The following PARP8 variants were observed in gnomAD, a reference collection of about 807,000 sequenced individuals.
PARP8 encodes the protein protein mono-ADP-ribosyltransferase PARP8.
A neutral mutation model predicts 124.1 loss-of-function variants in PARP8; 51 were observed. The observed-to-expected ratio is 0.41, with a 90% confidence interval of 0.33 to 0.52. The LOEUF (loss-of-function observed/expected upper bound fraction) is 0.52, where lower values mean the gene tolerates loss of function less well. Among genes scored for constraint, PARP8 ranks in the 20% least tolerant of loss-of-function variants. PARP8 has a pLI of 0.21. For synonymous variants in PARP8, 391 were observed against 361.5 expected, an observed-to-expected ratio of 1.08 and a Z score of -0.93; for missense variants, 860 against 1,018.9, an observed-to-expected ratio of 0.84 and a Z score of 2.12.
At chr5:50,736,103 A>G (rs894779749) in intron 2 of PARP8, among the ~76,000 whole-genome samples, 3 of 152,064 alleles carry the variant, frequency 2.0e-5, no homozygotes, top group African/African-American at 7.2e-5. Context: ...GAAGGCAAAC[A>G]CCATCAACAA....
At chr5:50,691,833 C>T (rs149593306) in intron 2 of PARP8, among the ~76,000 whole-genome samples, 2 of 152,228 alleles carry the variant, frequency 1.3e-5, no homozygotes, top group East Asian at 1.9e-4. Flanking sequence ...CATTAGTTAC[C>T]CATATTACGC....
intron 25 of PARP8, among the ~76,000 whole-genome samples, chr5:50,837,051 A>G (rs922099958): frequency 1.3e-5 from 2 of 152,200 alleles, no homozygotes; most frequent in South Asian, 2.1e-4. Flanking sequence ...CATAAAGCCT[A>G]TCTGTAGGGA....
intron 25 of PARP8, among the ~76,000 whole-genome samples, chr5:50,836,016 A>G (rs1416012433): frequency 6.6e-6 from 1 of 152,154 alleles, no homozygotes; most frequent in Non-Finnish European, 1.5e-5. Context: ...TGGAACTGTT[A>G]AGGTTGCTTC....
At chr5:50,775,471 C>T (rs1306453857) in intron 7 of PARP8, among the ~76,000 whole-genome samples, 5 of 152,042 alleles carry the variant, frequency 3.3e-5, no homozygotes, top group Non-Finnish European at 1.5e-5. Flanking sequence ...AGGAGAATCA[C>T]GGGAGCCCGA....
intron 2 of PARP8, among the ~76,000 whole-genome samples, chr5:50,740,105 T>C (rs1757897721): frequency 6.6e-6 from 1 of 152,144 alleles, no homozygotes; most frequent in Admixed American, 6.6e-5. Flanking sequence ...ATGTTCCCAC[T>C]ATGTGCTAGG....
intron 25 of PARP8, among the ~76,000 whole-genome samples, chr5:50,840,921 A>G (rs1048410016): frequency 1.3e-5 from 2 of 151,902 alleles, no homozygotes; most frequent in Admixed American, 6.6e-5. Context: ...AGCGATAAGA[A>G]TTAGCCAAAT....
At chr5:50,670,050 G>C (rs1205593394) in intron 2 of PARP8, among the ~76,000 whole-genome samples, 1 of 152,146 alleles carries the variant, frequency 6.6e-6, no homozygotes, top group East Asian at 1.9e-4. Context: ...TTTATGATTT[G>C]TACCTAATGG....
At chr5:50,694,828 C>G (rs772361485) in intron 2 of PARP8, among the ~76,000 whole-genome samples, 7 of 152,192 alleles carry the variant, frequency 4.6e-5, no homozygotes, top group South Asian at 2.1e-4. Flanking sequence ...AACAGTGCAG[C>G]CTTCAGTCTG....
At position 50,828,298 on chromosome 5, in the gene PARP8, G is replaced by T. The variant is rs746895874; in HGVS notation, c.2091-14G>T. The T allele has an allele frequency of 1.5e-5, 24 of 1,610,052 alleles. No homozygotes were observed. The highest frequency in any genetic ancestry group is 2.0e-5 in the Non-Finnish European group (23 of 1,177,952). On this transcript the variant is annotated splice_polypyrimidine_tract_variant and intron_variant, in intron 20 of 25. Coordinates refer to ENST00000281631, the MANE Select transcript of PARP8 (RefSeq NM_024615.4). ...TTTCTGGTTTTGCTTTTTCCTTTCC[G>T]TCTGTTTTTTTAGTGGCTCACACAT...
chr5:50,739,447 C>T (rs1232170687), intron 2 of PARP8, among the ~76,000 whole-genome samples: 1 of 151,906 alleles, frequency 6.6e-6, no homozygotes, highest in Non-Finnish European at 1.5e-5. Flanking sequence ...TCTCCTCTCG[C>T]TACATCAGCT....
At chr5:50,759,193 A>G (rs1486626663) in intron 3 of PARP8, among the ~76,000 whole-genome samples, 2 of 152,118 alleles carry the variant, frequency 1.3e-5, no homozygotes, top group South Asian at 2.1e-4. Context: ...AGCTAGGACT[A>G]CAGGTGTGAG....
chr5:50,754,150 T>TACACACAC (rs1253764538), intron 3 of PARP8, among the ~76,000 whole-genome samples: 15 of 37,180 alleles, frequency 4.0e-4, no homozygotes, highest in African/African-American at 1.7e-3. Context: ...TATATATATA[T>TACACACAC]ACACACACAC....
chr5:50,780,377 T>C (rs1740534035), intron 9 of PARP8, among the ~76,000 whole-genome samples: 2 of 152,186 alleles, frequency 1.3e-5, no homozygotes, highest in Non-Finnish European at 2.9e-5. Context: ...GAACTTTGTT[T>C]AGGGTTAGGA....
At chr5:50,822,527 A>G (rs945602492) in intron 17 of PARP8, 127 bp downstream of exon 17, 4 of 685,684 alleles carry the variant, frequency 5.8e-6, no homozygotes, top group Non-Finnish European at 1.0e-5. Flanking sequence ...AAGATGTTTT[A>G]ATTAAATCAC....
intron 2 of PARP8, among the ~76,000 whole-genome samples, chr5:50,692,022 G>A (rs6886872): frequency 0.87 from 132,356 of 152,188 alleles, 57,688 homozygotes; most frequent in East Asian, 1. Flanking sequence ...CACCACCACC[G>A]TTTCTTACTT....
intron 25 of PARP8, among the ~76,000 whole-genome samples, chr5:50,840,181 A>G (rs566438024): frequency 7.9e-5 from 12 of 152,070 alleles, no homozygotes; most frequent in Non-Finnish European, 1.3e-4. Context: ...GGTGAAGTCA[A>G]TGTTCTCTAT....
In PARP8 at chr5:50,845,598, C is replaced by T. The variant is rs979471556; in HGVS notation, c.*3530C>T. On this transcript the variant is annotated 3_prime_UTR_variant, in exon 26 of 26. Coordinates refer to ENST00000281631, the MANE Select transcript of PARP8 (RefSeq NM_024615.4). ...TTCAACAGGAAGACCATACTGGACACAGATGTTGTCAGTTACTTCTGGACA... is the reference window on the plus strand; with the variant it reads ...TTCAACAGGAAGACCATACTGGACATAGATGTTGTCAGTTACTTCTGGACA... 2.0e-5 allele frequency: 3 copies of T among 151,760 alleles called. No homozygotes were observed. The highest frequency in any genetic ancestry group is 1.3e-4 in the Admixed American group (2 of 15,190). 9.4% of individuals were successfully genotyped at this position (151,760 alleles called of 1,614,324 possible).
intron 3 of PARP8, chr5:50,757,259 CT>C (rs1760068894): frequency 7.2e-6 from 3 of 418,646 alleles, no homozygotes; most frequent in South Asian, 3.4e-5. Context: ...CCTATCAAGA[CT>C]GAATCATAAA....
At chr5:50,829,857 A>G in intron 21 of PARP8, 35 bp from the exon 22 acceptor site, 1 of 1,557,234 alleles carries the variant, frequency 6.4e-7, no homozygotes, top group Non-Finnish European at 8.7e-7. Flanking sequence ...AACCATGAAC[A>G]GACCTCTCTC....
Sources: allele counts gnomAD v4.1 joint callset (sites outside exome capture counted in the v4.1 genomes callset), GRCh38; gene constraint gnomAD v4.1.1; transcripts MANE v1.5; gene names NCBI Gene and HGNC (gene_info 2026-07-23, HGNC 2026-07-21).